The following SCN11A variants were observed in gnomAD, a reference collection of about 807,000 sequenced individuals.
SCN11A encodes sodium channel protein type 11 subunit alpha.
In SCN11A, 122 loss-of-function variants were observed where a neutral mutation model predicts 162.2. That is an observed-to-expected ratio of 0.75 (90% CI 0.65 to 0.87). The LOEUF (loss-of-function observed/expected upper bound fraction) is 0.87, where lower values mean the gene tolerates loss of function less well. Among genes scored for constraint, SCN11A ranks in the 40% least tolerant of loss-of-function variants. The probability of loss-of-function intolerance (pLI) is 0.00; values close to 1 mark genes in which losing one functional copy is unlikely to be tolerated. For synonymous variants in SCN11A, 758 were observed against 751.5 expected (o/e 1.01, Z -0.14); for missense variants, 2,015 against 2,181.6 (o/e 0.92, Z 1.52).
At chr3:38,965,212 C>T (rs905171002) in intron 2 of SCN11A, among the ~76,000 whole-genome samples, 5 of 152,164 alleles carry the variant, frequency 3.3e-5, no homozygotes, top group African/African-American at 1.2e-4. Flanking sequence ...TGTTCACTGC[C>T]GTGCCGTGAT....
chr3:38,897,231 GAA>G lies in SCN11A; in HGVS notation c.2023-8_2023-7del. Reference sequence around the variant, plus strand: ...GCTAACTTGAAGACCCTGAGCTGTAGAAAAAGACAACAAACAAAAATGGAAGA... The same window carrying G: ...GCTAACTTGAAGACCCTGAGCTGTAGAAAGACAACAAACAAAAATGGAAGA... On this transcript the variant is annotated splice_region_variant and splice_polypyrimidine_tract_variant and intron_variant, in intron 17 of 29. Transcript: ENST00000302328. 6.4e-7 allele frequency: 1 copy of G among 1,572,526 alleles called. No individual in the cohort carries two copies. Among genetic ancestry groups the G allele is most frequent in the South Asian group, 1.2e-5 (1 of 84,684 alleles).
At chr3:38,905,622 CAA>C (rs2065781022) in intron 14 of SCN11A, among the ~76,000 whole-genome samples, 1 of 152,126 alleles carries the variant, frequency 6.6e-6, no homozygotes, top group Non-Finnish European at 1.5e-5. Flanking sequence ...CAAAATTTTA[CAA>C]AAACTAGTAA....
intron 6 of SCN11A, among the ~76,000 whole-genome samples, chr3:38,946,233 A>T (rs982277219): frequency 6.6e-6 from 1 of 152,208 alleles, no homozygotes; most frequent in Non-Finnish European, 1.5e-5. Flanking sequence ...GACAGAGCTT[A>T]CATGCCCCCT....
intron 11 of SCN11A, among the ~76,000 whole-genome samples, chr3:38,915,887 T>C (rs2065953748): frequency 6.6e-6 from 1 of 152,186 alleles, no homozygotes; most frequent in Non-Finnish European, 1.5e-5. Flanking sequence ...ATCTGTCTAA[T>C]ACTGTCAGTG....
intron 16 of SCN11A, among the ~76,000 whole-genome samples, chr3:38,900,352 G>C (rs1301418268): frequency 1.3e-5 from 2 of 152,146 alleles, no homozygotes; most frequent in Non-Finnish European, 2.9e-5. Context: ...TTCTGTTGAA[G>C]ATAAAGCAAA....
chr3:38,979,029 G>A (rs1260279749), intron 2 of SCN11A, among the ~76,000 whole-genome samples: 3 of 152,202 alleles, frequency 2.0e-5, no homozygotes, highest in African/African-American at 4.8e-5. Context: ...GCCTCAGGGC[G>A]CTGTGGGTCT....
chr3:38,945,555 GCAT>G, intron 6 of SCN11A, 43 bp from the exon 7 acceptor site: 1 of 1,359,016 alleles, frequency 7.4e-7, no homozygotes, highest in African/African-American at 1.5e-5. Context: ...AGGATGGCAT[GCAT>G]CATTAGCTAC....
chr3:38,931,129 A>G (rs1005273984), intron 7 of SCN11A, among the ~76,000 whole-genome samples: 1 of 152,196 alleles, frequency 6.6e-6, no homozygotes, highest in African/African-American at 2.4e-5. Context: ...CTCAGTTAGC[A>G]CCTCATGCAA....
intron 27 of SCN11A, among the ~76,000 whole-genome samples, chr3:38,863,648 T>G (rs1442022571): frequency 6.6e-6 from 1 of 152,038 alleles, no homozygotes; most frequent in Non-Finnish European, 1.5e-5. Flanking sequence ...TACAAAAATT[T>G]AGACAAACAT....
Position 38,948,192 on chromosome 3 carries a change from C to T in SCN11A, c.268-1285G>A, listed in dbSNP as rs538561673. On this transcript the variant is annotated intron_variant, in intron 5 of 29. Transcript: ENST00000302328. The stretch of plus-strand genomic sequence containing the variant: ...CCCAAGACCTGCTTTGGAAATTCTG[C>T]GCCTTTCCTTTGAACAGACATACAA... Among the ~76,000 whole-genome samples the T allele has an allele frequency of 9.8e-5, 15 of 152,290 alleles. No homozygotes were observed. The South Asian group carries it at 1.0e-3, about 11-fold the overall frequency.
Position 38,908,039 on chromosome 3 carries a change from A to G in SCN11A, c.1383T>C (p.Phe461=), listed in dbSNP as rs559837327. Residue 461 remains phenylalanine (F), a synonymous_variant, in exon 14 of 30, where the codon TTT becomes TTC. Coordinates refer to ENST00000302328, the MANE Select transcript of SCN11A (RefSeq NM_001349253.2). The part of the protein sequence containing the change: ...SYFTPKKRKL[F]GNKKRKSFFL... ...AGAAGGACTTCCTTTTCTTATTACC[A>G]AAGAGCTTTCTCTTTTTTGGGGTAA... 6.2e-7 allele frequency: 1 copy of G among 1,613,744 alleles called. No homozygotes were observed.
intron 9 of SCN11A, among the ~76,000 whole-genome samples, chr3:38,923,796 G>A (rs2066091679): frequency 3.3e-5 from 5 of 152,088 alleles, no homozygotes; most frequent in Admixed American, 3.3e-4. Flanking sequence ...TGAAAGATGA[G>A]TCGGGGGAGC....
intron 11 of SCN11A, among the ~76,000 whole-genome samples, chr3:38,919,712 T>C (rs1440169378): frequency 6.6e-6 from 1 of 152,218 alleles, no homozygotes; most frequent in African/African-American, 2.4e-5. Context: ...GTAGGTTTCT[T>C]ATAAGCTTCC....
intron 3 of SCN11A, among the ~76,000 whole-genome samples, chr3:38,958,729 C>G (rs988611421): frequency 2.0e-5 from 3 of 152,180 alleles, no homozygotes; most frequent in African/African-American, 7.2e-5. Context: ...GACTTTTTCA[C>G]TAAACCCTAT....
At chr3:38,921,355 T>C (rs1186232188) in intron 9 of SCN11A, 100 bp from the exon 10 acceptor site, 7 of 1,136,182 alleles carry the variant, frequency 6.2e-6, no homozygotes, top group Non-Finnish European at 8.9e-6. Context: ...ACTGTCAAAT[T>C]GCAGGCTGGA....
At chr3:38,992,160 TC>T (rs1575350234) in intron 2 of SCN11A, among the ~76,000 whole-genome samples, 1 of 152,248 alleles carries the variant, frequency 6.6e-6, no homozygotes, top group East Asian at 1.9e-4. Context: ...ACTTCTGCTT[TC>T]CCAAAGATTC....
chr3:38,997,438 C>A (rs1252625020), intron 2 of SCN11A, among the ~76,000 whole-genome samples: 1 of 152,228 alleles, frequency 6.6e-6, no homozygotes, highest in Non-Finnish European at 1.5e-5. Flanking sequence ...ACATCTATAC[C>A]AGTCACCCTA....
At chr3:38,965,621 G>A (rs143543089) in intron 2 of SCN11A, among the ~76,000 whole-genome samples, 16 of 152,252 alleles carry the variant, frequency 1.1e-4, no homozygotes, top group East Asian at 1.9e-4. Context: ...TGCTAAAGTC[G>A]CAGTGCTCTC....
intron 2 of SCN11A, among the ~76,000 whole-genome samples, chr3:38,997,213 T>A (rs1054635001): frequency 2.0e-5 from 3 of 152,226 alleles, no homozygotes; most frequent in Non-Finnish European, 4.4e-5. Context: ...TTCACTCCCA[T>A]TAAATCTCTG....
Sources: gnomAD v4.1 joint callset for allele counts (sites outside exome capture counted in the v4.1 genomes callset) on GRCh38, gnomAD v4.1.1 for gene constraint, MANE v1.5 for transcripts, NCBI Gene and HGNC (gene_info 2026-07-23, HGNC 2026-07-21) for gene names.